TAF5L: variants seen among roughly 807,000 people sequenced by gnomAD.
TAF5L encodes the protein TAF5-like RNA polymerase II p300/CBP-associated factor-associated factor 65 kDa subunit 5L.
Under a neutral mutation model 51.3 loss-of-function variants are expected in TAF5L, and 7 were observed. The ratio of observed to expected loss-of-function variants is 0.14; its 90% CI spans 0.08 to 0.26. TAF5L has a LOEUF of 0.26. Ranked by LOEUF, TAF5L falls within the 10% of genes least tolerant of loss-of-function variation. The pLI is 1.00. For missense variants in TAF5L, 575 were observed against 758.9 expected (o/e 0.76, Z 2.85); for synonymous variants, 291 against 308.1 (o/e 0.94, Z 0.58).
intron 3 of TAF5L, chr1:229,607,179 C>G (rs1404083372): frequency 1.0e-6 from 1 of 982,602 alleles, no homozygotes; most frequent in Non-Finnish European, 1.2e-6. Flanking sequence ...GAGCCATCGT[C>G]ACCTCTTCTT....
rs1665449970 is a variant in TAF5L at position 229,626,013 on chromosome 1, G to GCCCCGCA, written c.-133_-132insTGCGGGG. 1.4e-5 allele frequency: 2 copies of GCCCCGCA among 147,230 alleles called. No individual in the cohort carries two copies. The highest frequency in any genetic ancestry group is 5.0e-5 in the African/African-American group (2 of 39,842). The allele number at this position is 147,230 out of a possible 1,614,324, so 9.1% of individuals were successfully genotyped here. On this transcript the variant is annotated 5_prime_UTR_variant, in exon 1 of 5. It removes the in-frame stop codon of an upstream open reading frame in the 5' UTR. Transcript: ENST00000258281. ...GCTCAGCTGGGCCCCCGCGCCCCGC[G>GCCCCGCA]CCCCGCCGCCCCCGCCGCCGCTCTG... is the stretch of plus-strand genomic sequence containing the variant.
Position 229,602,327 on chromosome 1 carries a change from G to C in TAF5L, c.840C>G (p.Ser280Arg), listed in dbSNP as rs1436944302. 6.2e-7 allele frequency: 1 copy of C among 1,614,190 alleles called. No individual in the cohort carries two copies. Among genetic ancestry groups the C allele is most frequent in the Admixed American group, 1.7e-5 (1 of 60,020 alleles). Reference sequence around the variant, plus strand: ...TGTCAAACCCAGCAGCAAGCAGCTTGCTATCGGGGGAGATTTCTGCAGTGT... The same window carrying C: ...TGTCAAACCCAGCAGCAAGCAGCTTCCTATCGGGGGAGATTTCTGCAGTGT... Residue 280 changes from serine to arginine, a missense_variant, in exon 4 of 5, where the codon AGC becomes AGG. Physicochemically the swap from Ser to Arg is moderately radical, Grantham distance 110. Around this residue, in one of 3 missense-constraint regions of TAF5L, gnomAD observed 380 missense variants for 443.7 expected, o/e 0.86. Coordinates refer to ENST00000258281, the Ensembl canonical transcript of TAF5L. The surrounding 1 kb of genome is among the most constrained non-coding windows in gnomAD (Gnocchi z 4.6).
intron 3 of TAF5L, among the ~76,000 whole-genome samples, chr1:229,604,784 C>G (rs1156716971): frequency 1.3e-5 from 2 of 152,156 alleles, no homozygotes; most frequent in Non-Finnish European, 2.9e-5. Context: ...TACCAGCAAC[C>G]ACCATGTGAC....
chr1:229,625,382 C>G lies in TAF5L; in HGVS notation c.-4+503G>C, dbSNP rs114795801. On this transcript the variant is annotated intron_variant, in intron 1 of 4. Transcript: ENST00000258281. This position sits in a 1 kb window ranked among gnomAD's most constrained non-coding sequence, Gnocchi z 4.0. ...GCAGCTAGTCTAACTCTGGCTCCCC[C>G]GTGTCACACGCGGAGATCGACTCCA... 3.3e-5 allele frequency among the ~76,000 whole-genome samples: 5 copies of G among 152,142 alleles called. No individual in the cohort carries two copies. Among genetic ancestry groups the G allele is most frequent in the African/African-American group, 1.2e-4 (5 of 41,442 alleles).
chr1:229,600,444 T>C, intron 4 of TAF5L: 1 of 985,468 alleles, frequency 1.0e-6, no homozygotes, highest in Non-Finnish European at 1.2e-6. Flanking sequence ...TGCTTTCTTC[T>C]TGATGGACAT....
At chr1:229,621,480 G>A (rs1317833835) in intron 1 of TAF5L, among the ~76,000 whole-genome samples, 1 of 152,134 alleles carries the variant, frequency 6.6e-6, no homozygotes, top group Non-Finnish European at 1.5e-5. Context: ...GTATTTTATA[G>A]TGTTTTCTAA....
At position 229,610,093 on chromosome 1, in the gene TAF5L, G is replaced by A. The variant is rs747087143; in HGVS notation, c.247+13C>T. Reference sequence around the variant, plus strand: ...TTTCTTAAAAAGAAAAGGTTCTAGAGCTGAGTACTTACCAGTGAGAAAATT... The same window carrying A: ...TTTCTTAAAAAGAAAAGGTTCTAGAACTGAGTACTTACCAGTGAGAAAATT... On this transcript the variant is annotated intron_variant, in intron 3 of 4. Coordinates refer to ENST00000258281, the Ensembl canonical transcript of TAF5L. 3.7e-6 allele frequency: 6 copies of A among 1,611,936 alleles called. No homozygotes were observed. The highest frequency in any genetic ancestry group is 5.1e-6 in the Non-Finnish European group (6 of 1,178,086).
At chr1:229,621,059 G>A (rs911355143) in intron 1 of TAF5L, among the ~76,000 whole-genome samples, 2 of 152,172 alleles carry the variant, frequency 1.3e-5, no homozygotes, top group Non-Finnish European at 2.9e-5. Context: ...GCAAACGACG[G>A]AGGTGTTGTA....
chr1:229,621,046 T>C (rs544729988), intron 1 of TAF5L, among the ~76,000 whole-genome samples: 102 of 152,324 alleles, frequency 6.7e-4, no homozygotes, highest in Middle Eastern at 3.4e-3. Flanking sequence ...AAGAGGACTT[T>C]TGGCAAACGA....
At chr1:229,610,540 C>T (rs1299296395) in intron 2 of TAF5L, among the ~76,000 whole-genome samples, 1 of 152,200 alleles carries the variant, frequency 6.6e-6, no homozygotes, top group African/African-American at 2.4e-5. Flanking sequence ...TCACAGGTGC[C>T]TTGGTGTGGG....
chr1:229,606,575 C>T, intron 3 of TAF5L: 4 of 985,424 alleles, frequency 4.1e-6, no homozygotes, highest in Non-Finnish European at 4.8e-6. Context: ...TATTGACTAG[C>T]ACTCCTCTGT....
chr1:229,598,738 G>A (rs146980010), intron 4 of TAF5L, among the ~76,000 whole-genome samples: 2,327 of 143,306 alleles, frequency 0.016, 48 homozygotes, highest in African/African-American at 0.049. Flanking sequence ...TCACTCTATC[G>A]CCCAGGCTGG....
At chr1:229,610,908 G>C (rs1291237209) in intron 2 of TAF5L, among the ~76,000 whole-genome samples, 1 of 151,976 alleles carries the variant, frequency 6.6e-6, no homozygotes, top group Non-Finnish European at 1.5e-5. Context: ...TATGCTTTTT[G>C]AATCTTAAGT....
chr1:229,623,005 G>A (rs1161047003), intron 1 of TAF5L, among the ~76,000 whole-genome samples: 5 of 152,176 alleles, frequency 3.3e-5, no homozygotes, highest in Non-Finnish European at 7.3e-5. Context: ...CGCCGGGCAC[G>A]GTGGCTCGGG....
rs758029109 is a variant in TAF5L, at chr1:229,594,615, C to T, written c.1452G>A (p.Ala484=). 21 of 1,614,058 alleles carry T rather than the reference C, an allele frequency of 1.3e-5. No individual in the cohort carries two copies. The highest frequency in any genetic ancestry group is 1.7e-5 in the Admixed American group (1 of 60,008). ...TCAACCGCTGGTCCTCGCCAGCAGA[C>T]GCCAAGTACTTACCGTTGGGAGAAA... is the stretch of plus-strand genomic sequence containing the variant. Residue 484 remains alanine (A), a synonymous_variant, in exon 5 of 5, where the codon GCG becomes GCA. Transcript: ENST00000258281. The surrounding 1 kb of genome is among the most constrained non-coding windows in gnomAD (Gnocchi z 7.9).
intron 3 of TAF5L, among the ~76,000 whole-genome samples, chr1:229,603,269 A>C (rs1278857609): frequency 6.6e-6 from 1 of 152,186 alleles, no homozygotes; most frequent in Non-Finnish European, 1.5e-5. Flanking sequence ...GTGTTTCTTC[A>C]AATTGGGGAC....
Position 229,594,237 on chromosome 1 carries a change from A to G in TAF5L, c.*60T>C. 6.6e-7 allele frequency: 1 copy of G among 1,517,372 alleles called. No homozygotes were observed. The highest frequency in any genetic ancestry group is 8.9e-7 in the Non-Finnish European group (1 of 1,120,220). The allele number at this position is 1,517,372 out of a possible 1,614,324, so 94.0% of individuals were successfully genotyped here. On this transcript the variant is annotated 3_prime_UTR_variant, in exon 5 of 5. Coordinates refer to ENST00000258281, the Ensembl canonical transcript of TAF5L. The surrounding 1 kb of genome is among the most constrained non-coding windows in gnomAD (Gnocchi z 7.9). ...TCAATGATTCAATCTCAGCTCATTGAAGGATTGCAACTGGAGGCTTTCCAC... is the reference window on the plus strand; with the variant it reads ...TCAATGATTCAATCTCAGCTCATTGGAGGATTGCAACTGGAGGCTTTCCAC...
intron 1 of TAF5L, among the ~76,000 whole-genome samples, chr1:229,622,094 G>C (rs1665229284): frequency 6.6e-6 from 1 of 151,564 alleles, no homozygotes; most frequent in Non-Finnish European, 1.5e-5. Flanking sequence ...TAGATATACA[G>C]ATATGTGTGT....
rs146697177 is a variant in TAF5L, at chr1:229,595,420, G to T, written c.973-326C>A. On this transcript the variant is annotated intron_variant, in intron 4 of 4. Transcript: ENST00000258281. ...CTTACCCTTTGATTGAGGATAGCTT[G>T]TATGGTTAATTCTGATGTGTGCCAT... Among the ~76,000 whole-genome samples the T allele has an allele frequency of 2.4e-3, 371 of 152,334 alleles. 1 individual carries two copies. The highest frequency in any genetic ancestry group is 4.3e-3 in the Non-Finnish European group (294 of 68,024).
Sources: gnomAD v4.1 joint callset for allele counts (sites outside exome capture counted in the v4.1 genomes callset) on GRCh38, gnomAD v4.1.1 for gene constraint, gnomAD v4.1.1 regional missense constraint, Gnocchi (gnomAD v3.1) non-coding constraint, MANE v1.5 for transcripts, NCBI Gene and HGNC (gene_info 2026-07-23, HGNC 2026-07-21) for gene names.